The following PREX1 variants were observed in gnomAD, a reference collection of about 807,000 sequenced individuals.
PREX1 encodes phosphatidylinositol-3,4,5-trisphosphate dependent Rac exchange factor 1.
In PREX1, 41 loss-of-function variants were observed where a neutral mutation model predicts 198.3. The ratio of observed to expected loss-of-function variants is 0.21; its 90% CI spans 0.16 to 0.27. PREX1 has a LOEUF of 0.27. Ranked by LOEUF, PREX1 falls within the 10% of genes least tolerant of loss-of-function variation. PREX1 has a pLI of 1.00. For synonymous variants in PREX1, 843 were observed against 887.2 expected, an observed-to-expected ratio of 0.95 and a Z score of 0.89; for missense variants, 1,620 against 2,200.7, an observed-to-expected ratio of 0.74 and a Z score of 5.28.
At chr20:48,659,882 T>TCAGGAA in intron 16 of PREX1, 37 bp downstream of exon 16, 2 of 1,612,666 alleles carry the variant, frequency 1.2e-6, no homozygotes, top group Non-Finnish European at 1.7e-6. Flanking sequence ...CAGGGGGCTC[T>TCAGGAA]GGCAAGGAAG....
At chr20:48,801,654 G>A (rs1228443319) in intron 1 of PREX1, among the ~76,000 whole-genome samples, 1 of 152,196 alleles carries the variant, frequency 6.6e-6, no homozygotes, top group Admixed American at 6.5e-5. Context: ...GGCTGTTGCA[G>A]TCACCTCCTC....
upstream of PREX1, among the ~76,000 whole-genome samples, chr20:48,832,346 C>T (rs1301324451): frequency 6.6e-6 from 1 of 152,144 alleles, no homozygotes. Flanking sequence ...CTTCTGCAGG[C>T]TGAGGATTTG....
chr20:48,681,364 G>A, intron 10 of PREX1, 29 bp from the exon 11 acceptor site: 1 of 1,606,152 alleles, frequency 6.2e-7, no homozygotes, highest in East Asian at 2.2e-5. Context: ...GTGGTTGAGA[G>A]GATTTCCCCA....
intron 1 of PREX1, among the ~76,000 whole-genome samples, chr20:48,809,694 C>G (rs562412957): frequency 6.6e-5 from 10 of 152,298 alleles, no homozygotes; most frequent in Admixed American, 6.5e-4. Context: ...TGCCCAAGAG[C>G]AGGAAGACAC....
In PREX1 at chr20:48,783,149, T is replaced by C. The variant is rs937042946; in HGVS notation, c.220-35269A>G. Among the ~76,000 whole-genome samples, 23 of 152,138 alleles carry C rather than the reference T, an allele frequency of 1.5e-4. 1 individual carries two copies. Among genetic ancestry groups the C allele is most frequent in the African/African-American group, 5.3e-4 (22 of 41,408 alleles). On this transcript the variant is annotated intron_variant, in intron 1 of 39. Transcript: ENST00000371941. ...GAAAAAGAAGGATACATGCCTGATATGGTTGAATGAAGACTAAAGAAAATA... is the reference window on the plus strand; with the variant it reads ...GAAAAAGAAGGATACATGCCTGATACGGTTGAATGAAGACTAAAGAAAATA...
intron 1 of PREX1, among the ~76,000 whole-genome samples, chr20:48,775,164 G>C (rs1463658037): frequency 1.3e-5 from 2 of 152,214 alleles, no homozygotes; most frequent in Non-Finnish European, 2.9e-5. Context: ...CAGAAGGACA[G>C]GCACTGCTGT....
chr20:48,882,525 A>AAAGAG, the PREX1 span, among the ~76,000 whole-genome samples: 1 of 97,816 alleles, frequency 1.0e-5, no homozygotes, highest in Non-Finnish European at 2.0e-5. Context: ...AAAAAAAAAA[A>AAAGAG]AGAGAGAATC....
intron 7 of PREX1, among the ~76,000 whole-genome samples, chr20:48,694,231 A>T (rs907084600): frequency 3.3e-5 from 5 of 152,152 alleles, no homozygotes; most frequent in African/African-American, 1.2e-4. Context: ...GTTGTTTAAA[A>T]ACCCCAGTTT....
chr20:48,760,832 A>G (rs1010835179), intron 1 of PREX1, among the ~76,000 whole-genome samples: 2 of 152,122 alleles, frequency 1.3e-5, no homozygotes, highest in African/African-American at 4.8e-5. Context: ...GCATTCTTAC[A>G]TTCGCCTGTG....
At chr20:48,875,728 G>A in the PREX1 span, among the ~76,000 whole-genome samples, 1 of 152,324 alleles carries the variant, frequency 6.6e-6, no homozygotes, top group Middle Eastern at 3.4e-3. Flanking sequence ...TGCAGGGTAA[G>A]GGAAGAAGTG....
At chr20:48,814,751 T>C (rs1476081139) in intron 1 of PREX1, among the ~76,000 whole-genome samples, 2 of 152,162 alleles carry the variant, frequency 1.3e-5, no homozygotes, top group Non-Finnish European at 2.9e-5. Context: ...TTAATGTCCG[T>C]AGCAAACAAA....
At chr20:48,725,033 C>T (rs1320096281) in intron 5 of PREX1, among the ~76,000 whole-genome samples, 1 of 152,232 alleles carries the variant, frequency 6.6e-6, no homozygotes, top group Non-Finnish European at 1.5e-5. Flanking sequence ...CCCACGGCTG[C>T]GCACAGCAAA....
At chr20:48,650,288 C>G (rs564666994) in intron 23 of PREX1, 82 bp from the exon 24 acceptor site, 349 of 1,377,110 alleles carry the variant, frequency 2.5e-4, no homozygotes, top group Middle Eastern at 2.0e-3. Flanking sequence ...CCACTTTATC[C>G]TGGCCTAGGC....
chr20:48,730,180 G>A (rs1462223947), intron 4 of PREX1, among the ~76,000 whole-genome samples: 6 of 151,968 alleles, frequency 3.9e-5, no homozygotes, highest in African/African-American at 1.5e-4. Flanking sequence ...AATTGTCCCG[G>A]TCCCCTAGGA....
At chr20:48,798,240 C>T (rs1412469765) in intron 1 of PREX1, among the ~76,000 whole-genome samples, 43 of 152,128 alleles carry the variant, frequency 2.8e-4, no homozygotes, top group Admixed American at 2.6e-3. Context: ...CACCCACATT[C>T]CTCCACTACC....
chr20:48,853,575 C>T, the PREX1 span, among the ~76,000 whole-genome samples: 1 of 152,178 alleles, frequency 6.6e-6, no homozygotes, highest in African/African-American at 2.4e-5. Context: ...ATGGAGATTA[C>T]AATTCAAGGT....
At chr20:48,779,753 T>G (rs982516409) in intron 1 of PREX1, among the ~76,000 whole-genome samples, 1 of 152,014 alleles carries the variant, frequency 6.6e-6, no homozygotes, top group Non-Finnish European at 1.5e-5. Context: ...TCTCAAAAGG[T>G]GGTGTACAGC....
chr20:48,784,739 T>G (rs1042887278), intron 1 of PREX1, among the ~76,000 whole-genome samples: 3 of 152,178 alleles, frequency 2.0e-5, no homozygotes, highest in African/African-American at 7.2e-5. Context: ...GGGAATTAAA[T>G]GTCCTGGGTC....
chr20:48,851,377 G>A, the PREX1 span, among the ~76,000 whole-genome samples: 259 of 152,246 alleles, frequency 1.7e-3, no homozygotes, highest in Non-Finnish European at 2.7e-3. Flanking sequence ...CGTGGTGGCA[G>A]GTGCTTGTAA....
Sources: allele counts gnomAD v4.1 joint callset (sites outside exome capture counted in the v4.1 genomes callset), GRCh38; gene constraint gnomAD v4.1.1; transcripts MANE v1.5; gene names NCBI Gene and HGNC (gene_info 2026-07-23, HGNC 2026-07-21).